PTK2: variants seen among roughly 807,000 people sequenced by gnomAD.
PTK2 encodes the protein protein tyrosine kinase 2, also known as focal adhesion kinase 1.
PTK2 carries 45 observed loss-of-function variants against 150.1 expected under a neutral mutation model. That is an observed-to-expected ratio of 0.30 (90% CI 0.24 to 0.38). The LOEUF is 0.38. Ranked by LOEUF, PTK2 falls within the 10% of genes least tolerant of loss-of-function variation. The pLI is 1.00. For synonymous variants in PTK2, 432 were observed against 449.2 expected (o/e 0.96, Z 0.48); for missense variants, 919 against 1,307.3 (o/e 0.70, Z 4.58).
chr8:140,829,619 T>G (rs1343060253), intron 8 of PTK2, among the ~76,000 whole-genome samples: 1 of 152,160 alleles, frequency 6.6e-6, no homozygotes, highest in Non-Finnish European at 1.5e-5. Context: ...CTTCTCCTGC[T>G]TGGGCTTCAG....
At position 140,699,554 on chromosome 8, in the gene PTK2, G is replaced by A. The variant is rs561975838; in HGVS notation, c.2499+1337C>T. On this transcript the variant is annotated intron_variant, in intron 26 of 31. Coordinates refer to ENST00000522684, the Ensembl canonical transcript of PTK2. Reference sequence around the variant, plus strand: ...CCCATGCATATGTCCAGACACATCCGGGAGGAGGTTCACATCAGTCATAAA... The same window carrying A: ...CCCATGCATATGTCCAGACACATCCAGGAGGAGGTTCACATCAGTCATAAA... Among the ~76,000 whole-genome samples, 7 of 152,328 alleles carry A rather than the reference G, an allele frequency of 4.6e-5. No individual in the cohort carries two copies. The South Asian group carries it at 6.2e-4, about 14-fold the overall frequency.
At chr8:140,767,905 T>TGA (rs1390770806) in intron 14 of PTK2, among the ~76,000 whole-genome samples, 13 of 152,082 alleles carry the variant, frequency 8.5e-5, no homozygotes, top group Non-Finnish European at 1.8e-4. Context: ...TGGAGTACAG[T>TGA]CTGAAACTTC....
rs1000502328 is a variant in PTK2 at position 140,884,522 on chromosome 8, T to C, written c.196-4885A>G. Among the ~76,000 whole-genome samples, 41 of 152,184 alleles carry C rather than the reference T, an allele frequency of 2.7e-4. 1 individual carries two copies. The highest frequency in any genetic ancestry group is 2.6e-3 in the Admixed American group (40 of 15,280). On this transcript the variant is annotated intron_variant, in intron 3 of 31. Coordinates refer to ENST00000522684, the Ensembl canonical transcript of PTK2. Reference sequence around the variant, plus strand: ...TTAAACATACATTCACCTGCTCCTCTGTCAGAGAGAACAGCTTACACTTCT... The same window carrying C: ...TTAAACATACATTCACCTGCTCCTCCGTCAGAGAGAACAGCTTACACTTCT...
chr8:140,999,529 A>C (rs1489271869), intron 1 of PTK2, among the ~76,000 whole-genome samples: 1 of 152,216 alleles, frequency 6.6e-6, no homozygotes, highest in Non-Finnish European at 1.5e-5. Flanking sequence ...CCTTGTTTGA[A>C]TATCATAGGG....
At chr8:140,892,191 G>A (rs1379882757) in intron 2 of PTK2, among the ~76,000 whole-genome samples, 1 of 152,012 alleles carries the variant, frequency 6.6e-6, no homozygotes, top group East Asian at 1.9e-4. Flanking sequence ...CTGGACCACA[G>A]AGTGAGACTG....
At chr8:140,892,606 C>G (rs530221179) in intron 2 of PTK2, 13 of 459,332 alleles carry the variant, frequency 2.8e-5, no homozygotes, top group Non-Finnish European at 5.6e-5. Context: ...TAAATAATAC[C>G]TTTTTCATCC....
At chr8:140,719,887 CAAA>C (rs71308987) in intron 22 of PTK2, among the ~76,000 whole-genome samples, 13 of 90,860 alleles carry the variant, frequency 1.4e-4, no homozygotes, top group African/African-American at 6.4e-4. Context: ...CTTGTCTCAC[CAAA>C]AAAAAAAAAA....
At chr8:140,767,562 T>A (rs2100073049) in intron 14 of PTK2, among the ~76,000 whole-genome samples, 1 of 152,158 alleles carries the variant, frequency 6.6e-6, no homozygotes, top group Non-Finnish European at 1.5e-5. Context: ...CTTGACTCAC[T>A]GCAGCCTTCA....
intron 22 of PTK2, among the ~76,000 whole-genome samples, chr8:140,724,164 G>C (rs2100044494): frequency 6.6e-6 from 1 of 152,192 alleles, no homozygotes; most frequent in South Asian, 2.1e-4. Context: ...GGTGAGTTAT[G>C]CAATTCCAGA....
intron 30 of PTK2, among the ~76,000 whole-genome samples, chr8:140,667,514 T>TG (rs1267154793): frequency 1.3e-5 from 2 of 151,514 alleles, no homozygotes; most frequent in African/African-American, 4.9e-5. Context: ...TTGGCCAAGC[T>TG]GGTCTTGAAC....
intron 1 of PTK2, among the ~76,000 whole-genome samples, chr8:140,926,928 T>G (rs1448122735): frequency 6.6e-6 from 1 of 152,224 alleles, no homozygotes; most frequent in Non-Finnish European, 1.5e-5. Flanking sequence ...TAATGATAAT[T>G]TCTTATTTCT....
intron 23 of PTK2, among the ~76,000 whole-genome samples, chr8:140,713,005 A>T (rs1286920498): frequency 1.3e-5 from 2 of 152,226 alleles, no homozygotes; most frequent in Admixed American, 6.5e-5. Context: ...CCAGCTTTGC[A>T]ACTCAACTGT....
intron 5 of PTK2, 48 bp from the exon 6 acceptor site, chr8:140,846,726 A>G: frequency 7.6e-7 from 1 of 1,314,554 alleles, no homozygotes; most frequent in Non-Finnish European, 1.1e-6. Context: ...AAAGAAAAAT[A>G]TTAGATATAT....
At chr8:140,985,093 T>C (rs1302258335) in intron 1 of PTK2, among the ~76,000 whole-genome samples, 1 of 152,166 alleles carries the variant, frequency 6.6e-6, no homozygotes, top group Non-Finnish European at 1.5e-5. Flanking sequence ...ATGGACAGAA[T>C]ATCCTGACAT....
intron 8 of PTK2, among the ~76,000 whole-genome samples, chr8:140,829,750 C>G (rs941996332): frequency 6.6e-6 from 1 of 152,128 alleles, no homozygotes; most frequent in African/African-American, 2.4e-5. Context: ...ATATTCACAT[C>G]AACCCTACAA....
At chr8:140,902,050 T>G (rs1489894260) in intron 2 of PTK2, among the ~76,000 whole-genome samples, 6 of 121,676 alleles carry the variant, frequency 4.9e-5, no homozygotes, top group African/African-American at 1.2e-4. Flanking sequence ...TTTTTTTTTT[T>G]GGAGATGGAG....
At chr8:140,778,227 G>A (rs147144830) in intron 14 of PTK2, among the ~76,000 whole-genome samples, 2 of 152,324 alleles carry the variant, frequency 1.3e-5, no homozygotes, top group Non-Finnish European at 2.9e-5. Flanking sequence ...CAGCACTTTG[G>A]GAGGCTGAGG....
chr8:140,668,052 G>A (rs547180531), intron 30 of PTK2, among the ~76,000 whole-genome samples: 1 of 152,292 alleles, frequency 6.6e-6, no homozygotes, highest in African/African-American at 2.4e-5. Context: ...TCCCATCCTA[G>A]TGTTTACTGA....
intron 1 of PTK2, among the ~76,000 whole-genome samples, chr8:140,951,806 C>A (rs1390748517): frequency 6.6e-6 from 1 of 151,926 alleles, no homozygotes; most frequent in African/African-American, 2.4e-5. Flanking sequence ...ATCATTTGAG[C>A]CCAGGAGTTC....
Sources: gnomAD v4.1 joint callset for allele counts (sites outside exome capture counted in the v4.1 genomes callset) on GRCh38, gnomAD v4.1.1 for gene constraint, MANE v1.5 for transcripts, NCBI Gene and HGNC (gene_info 2026-07-23, HGNC 2026-07-21) for gene names.